Variants in REXO1 observed in about 807,000 individuals in gnomAD.
REXO1 encodes the protein REX1, RNA exonuclease 1 homolog.
REXO1 carries 42 observed loss-of-function variants against 102.6 expected under a neutral mutation model. That is an observed-to-expected ratio of 0.41 (90% CI 0.32 to 0.53). The LOEUF (loss-of-function observed/expected upper bound fraction) is 0.53, where lower values mean the gene tolerates loss of function less well. Among genes scored for constraint, REXO1 ranks in the 20% least tolerant of loss-of-function variants. The probability of loss-of-function intolerance (pLI) is 0.27; values close to 1 mark genes in which losing one functional copy is unlikely to be tolerated. For missense variants in REXO1, 1,819 were observed against 1,732.5 expected (o/e 1.05, Z -0.89); for synonymous variants, 908 against 779.1 (o/e 1.17, Z -2.76).
chr19:1,834,873 G>A (rs1336412497), intron 1 of REXO1: 3 of 295,986 alleles, frequency 1.0e-5, no homozygotes, highest in African/African-American at 4.5e-5. Context: ...AGGCGGGTCC[G>A]AGAAGACTGA....
chr19:1,827,816 C>A lies in REXO1; in HGVS notation c.973G>T (p.Glu325Ter). ...IKATGQPPSK[E>*]GLEAEGGGLR... ...CCGCCCCCCTCGGCCTCCAGGCCCT[C>A]TTTGGAGGGTGGCTGCCCGGTGGCC... Residue 325 changes from glutamate to a stop codon, truncating the protein, a stop_gained, in exon 2 of 16, where the codon GAG (glutamate) becomes TAG (stop). Coordinates refer to ENST00000170168, the MANE Select transcript of REXO1 (RefSeq NM_020695.4). LOFTEE classifies it high-confidence loss of function. The A allele has an allele frequency of 6.2e-7, 1 of 1,608,838 alleles. No homozygotes were observed. The highest frequency in any genetic ancestry group is 8.5e-7 in the Non-Finnish European group (1 of 1,178,888).
chr19:1,837,615 G>A (rs987035052), intron 1 of REXO1, among the ~76,000 whole-genome samples: 20 of 152,194 alleles, frequency 1.3e-4, no homozygotes, highest in African/African-American at 4.8e-4. Context: ...ACTCCACCCA[G>A]GTCTCAGAGC....
At position 1,827,823 on chromosome 19, in the gene REXO1, G is replaced by A. The variant is rs766603106; in HGVS notation, c.966C>T (p.Pro322=). Residue 322 remains proline, a synonymous_variant, in exon 2 of 16, where the codon CCC becomes CCT. Coordinates refer to ENST00000170168, the MANE Select transcript of REXO1 (RefSeq NM_020695.4). ...CCTCGGCCTCCAGGCCCTCTTTGGAGGGTGGCTGCCCGGTGGCCTTGATCT... is the reference window on the plus strand; with the variant it reads ...CCTCGGCCTCCAGGCCCTCTTTGGAAGGTGGCTGCCCGGTGGCCTTGATCT... ...DPEIKATGQP[P]SKEGLEAEGG... 8.1e-6 allele frequency: 13 copies of A among 1,609,934 alleles called. No individual in the cohort carries two copies. The East Asian group carries it at 2.9e-4, about 36-fold the overall frequency.
intron 11 of REXO1, 126 bp from the exon 12 acceptor site, chr19:1,817,455 G>A: frequency 6.7e-7 from 1 of 1,493,334 alleles, no homozygotes; most frequent in Middle Eastern, 2.1e-4. Flanking sequence ...CACTGGTTGG[G>A]ACCCTGGTGA....
Position 1,848,305 on chromosome 19 carries a change from C to T in REXO1, c.54G>A (p.Gly18=). 1.6e-6 allele frequency: 2 copies of T among 1,231,444 alleles called. No individual in the cohort carries two copies. The highest frequency in any genetic ancestry group is 2.0e-6 in the Non-Finnish European group (2 of 981,072). The allele number at this position is 1,231,444 out of a possible 1,614,324, so 76.3% of individuals were successfully genotyped here. The change falls in exon 1 of 16, where the codon GGG becomes GGA. Residue 18 remains glycine, a synonymous_variant. Coordinates refer to ENST00000170168, the MANE Select transcript of REXO1 (RefSeq NM_020695.4). ...FRAIDCPYWS[G]APGGPCRRPY... ...GCCGCCGGCAGGGCCCCCCGGGCGC[C>T]CCAGACCAATAGGGGCAGTCAATGG...
At chr19:1,842,510 T>C (rs999543903) in intron 1 of REXO1, among the ~76,000 whole-genome samples, 1 of 152,226 alleles carries the variant, frequency 6.6e-6, no homozygotes. Flanking sequence ...AATCCTAAAA[T>C]ATGAATACCA....
At chr19:1,834,256 G>T (rs2069979748) in intron 1 of REXO1, among the ~76,000 whole-genome samples, 1 of 152,178 alleles carries the variant, frequency 6.6e-6, no homozygotes, top group Admixed American at 6.5e-5. Flanking sequence ...TGTGGACTCT[G>T]AAAGGAGAGA....
At chr19:1,824,615 C>A (rs59650674) in intron 3 of REXO1, 1 of 152,204 alleles carries the variant, frequency 6.6e-6, no homozygotes, top group Non-Finnish European at 1.5e-5. Flanking sequence ...GAGCCCCAGT[C>A]AGAGCAACAG....
chr19:1,826,113 A>T lies in REXO1; in HGVS notation c.1912-170T>A, dbSNP rs2304615. ...CTGGGCTTTGTGTGGGTGCAGTCGGAGGGGTGGGCAGGTGTCACACGTTCT... is the reference window on the plus strand; with the variant it reads ...CTGGGCTTTGTGTGGGTGCAGTCGGTGGGGTGGGCAGGTGTCACACGTTCT... On this transcript the variant is annotated intron_variant, in intron 2 of 15. Coordinates refer to ENST00000170168, the MANE Select transcript of REXO1 (RefSeq NM_020695.4). This position sits in a 1 kb window ranked among gnomAD's most constrained non-coding sequence, Gnocchi z 4.3. Among the ~76,000 whole-genome samples, 5 of 151,890 alleles carry T rather than the reference A, an allele frequency of 3.3e-5. No homozygotes were observed. Among genetic ancestry groups the T allele is most frequent in the Admixed American group, 2.0e-4 (3 of 15,246 alleles).
At chr19:1,843,321 G>A (rs373326204) in intron 1 of REXO1, among the ~76,000 whole-genome samples, 120 of 152,044 alleles carry the variant, frequency 7.9e-4, no homozygotes, top group African/African-American at 2.6e-3. Context: ...TCAACCCCCC[G>A]CCCGGAGGGT....
chr19:1,831,292 A>C lies in REXO1; in HGVS notation c.158-2661T>G, dbSNP rs185215150. Reference sequence around the variant, plus strand: ...CTTGGCTCTGACTTGATTCTGACTGAACGTGCAGCTTGTCTGAAGGTCGGG... The same window carrying C: ...CTTGGCTCTGACTTGATTCTGACTGCACGTGCAGCTTGTCTGAAGGTCGGG... On this transcript the variant is annotated intron_variant, in intron 1 of 15. Transcript: ENST00000170168. 1.8e-4 allele frequency among the ~76,000 whole-genome samples: 28 copies of C among 152,296 alleles called. No homozygotes were observed. In the East Asian group the frequency reaches 3.9e-3, roughly 21 times the overall value.
rs796833176 is a variant in REXO1, at chr19:1,824,046, C to T, written c.2017-261G>A. Reference sequence around the variant, plus strand: ...TCAGCCCTGATAAGGCACGGGTGGGCGGGACTACCCCGATTACACTGGCAC... The same window carrying T: ...TCAGCCCTGATAAGGCACGGGTGGGTGGGACTACCCCGATTACACTGGCAC... On this transcript the variant is annotated intron_variant, in intron 3 of 15. Coordinates refer to ENST00000170168, the MANE Select transcript of REXO1 (RefSeq NM_020695.4). The T allele has an allele frequency of 2.9e-5, 11 of 378,676 alleles. 2 individuals carry two copies. Among genetic ancestry groups the T allele is most frequent in the South Asian group, 1.5e-4 (1 of 6,890 alleles). 23.5% of individuals were successfully genotyped at this position (378,676 alleles called of 1,614,324 possible).
At chr19:1,846,261 CT>C (rs541356775) in intron 1 of REXO1, among the ~76,000 whole-genome samples, 22 of 152,306 alleles carry the variant, frequency 1.4e-4, no homozygotes, top group Admixed American at 7.8e-4. Context: ...GCATCCCCCC[CT>C]GTCCTCAGAG....
Position 1,828,501 on chromosome 19 carries a change from C to A in REXO1, c.288G>T (p.Glu96Asp). ...LELELVNQAI[E>D]AVRSEVELEQ... Reference sequence around the variant, plus strand: ...CCAGCTCCACCTCACTGCGCACGGCCTCGATGGCCTGGTTGACCAGCTCCA... The same window carrying A: ...CCAGCTCCACCTCACTGCGCACGGCATCGATGGCCTGGTTGACCAGCTCCA... The change falls in exon 2 of 16, where the codon GAG (glutamate) becomes GAT (aspartate). Residue 96 changes from glutamate (E) to aspartate (D), a missense_variant. Transcript: ENST00000170168. 6.2e-7 allele frequency: 1 copy of A among 1,605,056 alleles called. No homozygotes were observed. Among genetic ancestry groups the A allele is most frequent in the Non-Finnish European group, 8.5e-7 (1 of 1,179,812 alleles).
chr19:1,819,235 ACTC>A (rs766755607), intron 7 of REXO1, 104 bp from the exon 8 acceptor site: 1 of 801,800 alleles, frequency 1.2e-6, no homozygotes, highest in Non-Finnish European at 1.9e-6. Flanking sequence ...CTCTGCCTCA[ACTC>A]CCCCTTTCTG....
chr19:1,828,840 A>C (rs2069826413), intron 1 of REXO1, among the ~76,000 whole-genome samples: 1 of 152,214 alleles, frequency 6.6e-6, no homozygotes, highest in Admixed American at 6.5e-5. Flanking sequence ...CCTTGCCCTG[A>C]CCAATGGGCG....
In REXO1 at chr19:1,827,445, T is replaced by A; in HGVS notation, c.1344A>T (p.Lys448Asn). ...SSATPVATSG[K>N]GRPDRPARRP... ...GCCGCGCTGGCCGGTCAGGCCTCCC[T>A]TTCCCTGAGGTGGCCACAGGAGTGG... The change falls in exon 2 of 16, where the codon AAA becomes AAT. Residue 448 changes from lysine (K) to asparagine (N), a missense_variant. Lys to Asn is a moderately conservative substitution (Grantham distance 94, BLOSUM62 0). Transcript: ENST00000170168. The A allele has an allele frequency of 6.4e-7, 1 of 1,559,534 alleles. No homozygotes were observed. Among genetic ancestry groups the A allele is most frequent in the South Asian group, 1.2e-5 (1 of 85,946 alleles).
intron 5 of REXO1, among the ~76,000 whole-genome samples, chr19:1,820,598 G>T (rs2069505017): frequency 6.6e-6 from 1 of 152,200 alleles, no homozygotes; most frequent in Admixed American, 6.5e-5. Context: ...CTAAGGTCAT[G>T]GGAAACTGAG....
At chr19:1,832,619 G>A (rs912698173) in intron 1 of REXO1, among the ~76,000 whole-genome samples, 7 of 147,698 alleles carry the variant, frequency 4.7e-5, no homozygotes, top group East Asian at 2.0e-4. Context: ...ATCCCAGCAC[G>A]GTGGCTCACG....
Sources: allele counts gnomAD v4.1 joint callset (sites outside exome capture counted in the v4.1 genomes callset), GRCh38; gene constraint gnomAD v4.1.1; non-coding constraint Gnocchi (gnomAD v3.1); transcripts MANE v1.5; gene names NCBI Gene and HGNC (gene_info 2026-07-23, HGNC 2026-07-21).